TRPM3: variants seen among roughly 807,000 people sequenced by gnomAD.
TRPM3 encodes the protein transient receptor potential cation channel subfamily M member 3, also known as long transient receptor potential channel 3.
In TRPM3, 77 loss-of-function variants were observed where a neutral mutation model predicts 181.2. The ratio of observed to expected loss-of-function variants is 0.42; its 90% CI spans 0.35 to 0.51. The LOEUF (loss-of-function observed/expected upper bound fraction) is 0.51. Among genes scored for constraint, TRPM3 ranks in the 20% least tolerant of loss-of-function variants. TRPM3 has a pLI of 0.01. For missense variants in TRPM3, 1,759 were observed against 2,196.7 expected (o/e 0.80, Z 3.98); for synonymous variants, 745 against 796.4 (o/e 0.94, Z 1.09).
chr9:71,003,344 G>C (rs893693732), intron 1 of TRPM3, among the ~76,000 whole-genome samples: 4 of 151,084 alleles, frequency 2.6e-5, no homozygotes, highest in Admixed American at 2.6e-4. Context: ...ATGGGCATTT[G>C]GGTTGTTTCC....
intron 20 of TRPM3, among the ~76,000 whole-genome samples, chr9:70,601,209 G>T (rs2059873363): frequency 6.6e-6 from 1 of 152,172 alleles, no homozygotes; most frequent in Admixed American, 6.5e-5. Flanking sequence ...CGACCTCACA[G>T]AGTTGTCGGC....
chr9:71,301,599 A>G (rs193279326), intron 1 of TRPM3, among the ~76,000 whole-genome samples: 1 of 152,150 alleles, frequency 6.6e-6, no homozygotes, highest in African/African-American at 2.4e-5. Flanking sequence ...CTCTATGTAT[A>G]TCTTTTAAAG....
chr9:71,347,647 G>T (rs560742589), intron 1 of TRPM3, among the ~76,000 whole-genome samples: 1 of 152,230 alleles, frequency 6.6e-6, no homozygotes, highest in Non-Finnish European at 1.5e-5. Context: ...CAGGTGAGGT[G>T]GCTCATGCCT....
intron 1 of TRPM3, among the ~76,000 whole-genome samples, chr9:71,134,541 G>A (rs1191783387): frequency 7.3e-5 from 7 of 95,674 alleles, no homozygotes; most frequent in Non-Finnish European, 1.4e-4. Flanking sequence ...ACAGAGCAAT[G>A]CTCCATCTCA....
intron 1 of TRPM3, among the ~76,000 whole-genome samples, chr9:71,008,110 G>A (rs2097699093): frequency 2.0e-5 from 3 of 151,806 alleles, no homozygotes; most frequent in Admixed American, 2.0e-4. Context: ...CCACAAAATA[G>A]AAAGGATCAT....
intron 7 of TRPM3, among the ~76,000 whole-genome samples, chr9:70,779,331 A>C (rs553604244): frequency 6.6e-4 from 101 of 152,212 alleles, no homozygotes; most frequent in Admixed American, 2.0e-3. Flanking sequence ...TTTGTCCTAA[A>C]GTATCTAAAA....
chr9:70,765,607 A>T (rs2078964056), intron 7 of TRPM3, among the ~76,000 whole-genome samples: 1 of 152,138 alleles, frequency 6.6e-6, no homozygotes, highest in Non-Finnish European at 1.5e-5. Context: ...ACAAAAACAA[A>T]AAACAAAAAA....
intron 1 of TRPM3, among the ~76,000 whole-genome samples, chr9:71,354,094 C>T (rs1326794813): frequency 1.3e-5 from 2 of 152,262 alleles, no homozygotes; most frequent in Admixed American, 1.3e-4. Context: ...CGTATGCTTT[C>T]CTCTCTCCGC....
chr9:70,955,473 A>C (rs2097058125), intron 1 of TRPM3, among the ~76,000 whole-genome samples: 1 of 152,188 alleles, frequency 6.6e-6, no homozygotes, highest in South Asian at 2.1e-4. Flanking sequence ...AATGCTTTTA[A>C]GTTCATGTTT....
intron 5 of TRPM3, among the ~76,000 whole-genome samples, chr9:70,832,108 C>A: frequency 8.5e-6 from 1 of 117,570 alleles, no homozygotes. Context: ...CACATGGACA[C>A]AGGAAGGGGA....
chr9:71,276,842 T>C (rs1056026923), intron 1 of TRPM3, among the ~76,000 whole-genome samples: 1 of 152,162 alleles, frequency 6.6e-6, no homozygotes, highest in Non-Finnish European at 1.5e-5. Context: ...GAAATATGCA[T>C]GAAATATTTA....
intron 1 of TRPM3, among the ~76,000 whole-genome samples, chr9:70,976,521 C>T (rs959052364): frequency 2.0e-5 from 3 of 152,138 alleles, no homozygotes; most frequent in African/African-American, 7.2e-5. Context: ...GGGCCCCAGC[C>T]CAGATCTACT....
intron 1 of TRPM3, among the ~76,000 whole-genome samples, chr9:71,303,581 T>C (rs891071011): frequency 1.3e-5 from 2 of 152,220 alleles, no homozygotes; most frequent in African/African-American, 4.8e-5. Flanking sequence ...TTACTGTTTT[T>C]ACATTTTTAG....
chr9:70,765,540 A>T (rs1276095510), intron 7 of TRPM3, among the ~76,000 whole-genome samples: 2 of 152,188 alleles, frequency 1.3e-5, no homozygotes, highest in Non-Finnish European at 2.9e-5. Context: ...AAGTGAACTG[A>T]GATCACGCAT....
intron 1 of TRPM3, among the ~76,000 whole-genome samples, chr9:71,155,073 G>C (rs760278817): frequency 3.4e-4 from 51 of 152,040 alleles, no homozygotes; most frequent in Non-Finnish European, 6.5e-4. Context: ...ACAAATGAAG[G>C]CTTTATCAAA....
At chr9:71,263,426 G>T (rs138082215) in intron 1 of TRPM3, among the ~76,000 whole-genome samples, 1 of 152,154 alleles carries the variant, frequency 6.6e-6, no homozygotes, top group South Asian at 2.1e-4. Flanking sequence ...AACTCCAAAA[G>T]GTGAGTCTCA....
intron 1 of TRPM3, among the ~76,000 whole-genome samples, chr9:71,093,055 C>T (rs1461909219): frequency 6.6e-6 from 1 of 152,114 alleles, no homozygotes; most frequent in African/African-American, 2.4e-5. Flanking sequence ...AAACTGGACC[C>T]CTTTCTTACA....
At chr9:71,236,698 T>C (rs1417195822) in intron 1 of TRPM3, among the ~76,000 whole-genome samples, 2 of 152,142 alleles carry the variant, frequency 1.3e-5, no homozygotes, top group African/African-American at 2.4e-5. Flanking sequence ...CTAAGATAAA[T>C]GTAGGCATGT....
At chr9:71,337,047 G>C (rs1166834098) in intron 1 of TRPM3, among the ~76,000 whole-genome samples, 2 of 152,066 alleles carry the variant, frequency 1.3e-5, no homozygotes, top group African/African-American at 4.8e-5. Context: ...GGATGGGCAA[G>C]GACTTCATGA....
Sources: gnomAD v4.1 joint callset for allele counts (sites outside exome capture counted in the v4.1 genomes callset) on GRCh38, gnomAD v4.1.1 for gene constraint, MANE v1.5 for transcripts, NCBI Gene and HGNC (gene_info 2026-07-23, HGNC 2026-07-21) for gene names.